Variants in WIZ observed in about 807,000 individuals in gnomAD.
WIZ encodes the protein WIZ zinc finger.
In WIZ, 25 loss-of-function variants were observed where a neutral mutation model predicts 140.2. The observed-to-expected ratio is 0.18, with a 90% CI of 0.13 to 0.25. The LOEUF (loss-of-function observed/expected upper bound fraction) is 0.25. Ranked by LOEUF, WIZ falls within the 10% of genes least tolerant of loss-of-function variation. WIZ has a pLI of 1.00. For synonymous variants in WIZ, 1,125 were observed against 1,154.3 expected, an observed-to-expected ratio of 0.97 and a Z score of 0.51; for missense variants, 2,231 against 2,632.6, an observed-to-expected ratio of 0.85 and a Z score of 3.34.
rs1356636124 is a variant in WIZ, at chr19:15,429,705, G to A, written c.3296C>T (p.Ala1099Val). 4 of 1,445,676 alleles carry A rather than the reference G, an allele frequency of 2.8e-6. No individual in the cohort carries two copies. The highest frequency in any genetic ancestry group is 2.9e-5 in the South Asian group (2 of 69,954). 89.6% of individuals were successfully genotyped at this position (1,445,676 alleles called of 1,614,324 possible). A position where few individuals can be genotyped will look rare whatever the true frequency, so the allele number is the denominator to read the frequency against. ...PLLKKTPLAL[A>V]GSPTPKNPED... ...AGGATTCTTAGGGGTAGGGGAGCCC[G>A]CCAGGGCCAGTGGTGTCTTTTTGAG... The change falls in exon 7 of 13, where the codon GCG becomes GTG. Residue 1099 changes from alanine (A) to valine (V), a missense_variant. By Grantham distance (64) the Ala-to-Val change is moderately conservative. Transcript: ENST00000673675.
intron 5 of WIZ, among the ~76,000 whole-genome samples, chr19:15,431,559 CACA>C (rs773825456): frequency 6.6e-6 from 1 of 152,154 alleles, no homozygotes; most frequent in Non-Finnish European, 1.5e-5. Flanking sequence ...GGGAATTCAA[CACA>C]ACACCAGGGT....
chr19:15,425,188 G>A, intron 10 of WIZ, 53 bp downstream of exon 10: 2 of 1,548,888 alleles, frequency 1.3e-6, no homozygotes, highest in Non-Finnish European at 1.7e-6. Flanking sequence ...GCATTGCCTG[G>A]CCTGGCAGGC....
At chr19:15,435,966 T>C (rs1049827063) in intron 5 of WIZ, among the ~76,000 whole-genome samples, 5 of 151,928 alleles carry the variant, frequency 3.3e-5, no homozygotes, top group Admixed American at 1.3e-4. Flanking sequence ...CTACTAAAAA[T>C]ACAAAAGTTA....
chr19:15,423,795 T>C (rs747000464), intron 12 of WIZ, among the ~76,000 whole-genome samples: 29 of 152,232 alleles, frequency 1.9e-4, no homozygotes, highest in African/African-American at 6.8e-4. Context: ...TACTTTTTTC[T>C]TGAGCCAGAC....
rs1002861148 is a variant in WIZ at position 15,442,142 on chromosome 19, A to G, written c.278+534T>C. On this transcript the variant is annotated intron_variant, in intron 3 of 12. Coordinates refer to ENST00000673675, the MANE Select transcript of WIZ (RefSeq NM_001371589.1). This position sits in a 1 kb window ranked among gnomAD's most constrained non-coding sequence, Gnocchi z 5.5. The stretch of plus-strand genomic sequence containing the variant: ...GTGGAGGTTGCAGTGAGCCAAGATC[A>G]CGCCACTGCACTCCAGCCTGGGCGA... 1.3e-5 allele frequency among the ~76,000 whole-genome samples: 2 copies of G among 151,452 alleles called. No individual in the cohort carries two copies. The highest frequency in any genetic ancestry group is 6.6e-5 in the Admixed American group (1 of 15,184).
At chr19:15,445,274 A>C (rs1969878219) in intron 2 of WIZ, among the ~76,000 whole-genome samples, 1 of 152,192 alleles carries the variant, frequency 6.6e-6, no homozygotes, top group Non-Finnish European at 1.5e-5. Flanking sequence ...AAGAACCTAG[A>C]TTCTGGAGCC....
Position 15,439,506 on chromosome 19 carries a change from G to A in WIZ, c.1488C>T (p.Gly496=), listed in dbSNP as rs1164280012. The A allele has an allele frequency of 2.3e-5, 36 of 1,534,410 alleles. No homozygotes were observed. The highest frequency in any genetic ancestry group is 3.1e-5 in the Non-Finnish European group (36 of 1,145,994). Residue 496 remains glycine, a synonymous_variant, in exon 4 of 13, where the codon GGC becomes GGT. Transcript: ENST00000673675. The surrounding 1 kb of genome is among the most constrained non-coding windows in gnomAD (Gnocchi z 7.0). ...VHAHPHWEED[G]EAYEEDPASQ... is the part of the protein sequence containing the mutation. ...TGGCAGGGTCTTCCTCATAAGCCTC[G>A]CCATCCTCCTCCCAGTGGGGATGGG... is the stretch of plus-strand genomic sequence containing the variant.
At chr19:15,425,122 C>G in intron 10 of WIZ, 90 bp from the exon 11 acceptor site, 3 of 1,513,752 alleles carry the variant, frequency 2.0e-6, no homozygotes, top group Non-Finnish European at 2.6e-6. Flanking sequence ...CCAATCCCGC[C>G]TCCCACACAG....
At chr19:15,437,624 C>A (rs570222752) in intron 4 of WIZ, among the ~76,000 whole-genome samples, 7 of 152,334 alleles carry the variant, frequency 4.6e-5, no homozygotes, top group African/African-American at 4.8e-5. Flanking sequence ...CCATGGCACT[C>A]CAGCCTGGGC....
In WIZ at chr19:15,448,150, G is replaced by A; in HGVS notation, c.158C>T (p.Thr53Ile). Reference sequence around the variant, plus strand: ...CAGAATGTCTCGGGGGCCCTCCTTGGTGACAGGCAGGTAACGGGTGGACCG... The same window carrying A: ...CAGAATGTCTCGGGGGCCCTCCTTGATGACAGGCAGGTAACGGGTGGACCG... The part of the protein sequence containing the change: ...IFRSTRYLPV[T>I]KEGPRDILDG... The change falls in exon 2 of 13, where the codon ACC (threonine) becomes ATC (isoleucine). Residue 53 changes from threonine (T) to isoleucine (I), a missense_variant. This residue lies in a region of WIZ where 85 missense variants were observed against 90.9 expected (regional missense o/e 0.94). Coordinates refer to ENST00000673675, the MANE Select transcript of WIZ (RefSeq NM_001371589.1). The A allele has an allele frequency of 6.2e-7, 1 of 1,612,800 alleles. No homozygotes were observed. Among genetic ancestry groups the A allele is most frequent in the Non-Finnish European group, 8.5e-7 (1 of 1,179,246 alleles).
Position 15,422,154 on chromosome 19 carries a change from T to C in WIZ, c.*922A>G, listed in dbSNP as rs987004192. On this transcript the variant is annotated 3_prime_UTR_variant, in exon 13 of 13. Coordinates refer to ENST00000673675, the MANE Select transcript of WIZ (RefSeq NM_001371589.1). The stretch of plus-strand genomic sequence containing the variant: ...CTTCTAGGTACATCGATAACCAAAA[T>C]GTGGCCACTGAAAAAAGTTAAAAGG... 3 of 152,186 alleles carry C rather than the reference T, an allele frequency of 2.0e-5. No individual in the cohort carries two copies. Among genetic ancestry groups the C allele is most frequent in the African/African-American group, 7.2e-5 (3 of 41,428 alleles). The allele number at this position is 152,186 out of a possible 1,614,324, so 9.4% of individuals were successfully genotyped here.
chr19:15,435,013 G>C (rs1379895063), intron 5 of WIZ, among the ~76,000 whole-genome samples: 1 of 152,100 alleles, frequency 6.6e-6, no homozygotes, highest in African/African-American at 2.4e-5. Flanking sequence ...CGGATCACGA[G>C]GTCAGGAGAT....
intron 3 of WIZ, among the ~76,000 whole-genome samples, chr19:15,441,842 A>G (rs1356616463): frequency 2.0e-5 from 3 of 152,150 alleles, no homozygotes; most frequent in Non-Finnish European, 2.9e-5. Context: ...ATTATTAATT[A>G]ATTAATAATA....
In WIZ at chr19:15,442,002, T is replaced by C. The variant is rs1969763173; in HGVS notation, c.278+674A>G. The stretch of plus-strand genomic sequence containing the variant: ...AGGAGTTCTCGACCAGCCTGACCAA[T>C]ATGGTGAAACCCCATCTCTACTAAA... On this transcript the variant is annotated intron_variant, in intron 3 of 12. Coordinates refer to ENST00000673675, the MANE Select transcript of WIZ (RefSeq NM_001371589.1). This position sits in a 1 kb window ranked among gnomAD's most constrained non-coding sequence, Gnocchi z 5.5. 6.6e-6 allele frequency among the ~76,000 whole-genome samples: 1 copy of C among 151,850 alleles called. No individual in the cohort carries two copies. Among genetic ancestry groups the C allele is most frequent in the African/African-American group, 2.4e-5 (1 of 41,316 alleles).
chr19:15,429,309 C>T (rs1435357613), intron 7 of WIZ, among the ~76,000 whole-genome samples: 1 of 152,216 alleles, frequency 6.6e-6, no homozygotes, highest in African/African-American at 2.4e-5. Context: ...AGCTGCCCCT[C>T]AGTGGCGAGC....
In WIZ at chr19:15,425,472, C is replaced by A. The variant is rs757257564; in HGVS notation, c.4663G>T (p.Ala1555Ser). 96 of 1,599,912 alleles carry A rather than the reference C, an allele frequency of 6.0e-5. No individual in the cohort carries two copies. Among genetic ancestry groups the A allele is most frequent in the Non-Finnish European group, 7.9e-5 (93 of 1,173,350 alleles). Residue 1555 changes from alanine (A) to serine (S), a missense_variant, in exon 10 of 13, where the codon GCT becomes TCT. Coordinates refer to ENST00000673675, the MANE Select transcript of WIZ (RefSeq NM_001371589.1). Reference protein sequence around the residue: ...VQSPLPLSPLAGRPGKPGAGP... With the variant: ...VQSPLPLSPLSGRPGKPGAGP... ...GCACCTGGTTTGCCTGGCCGGCCAGCCAGGGGCGACAGCGGCAGTGGGGAC... is the reference window on the plus strand; with the variant it reads ...GCACCTGGTTTGCCTGGCCGGCCAGACAGGGGCGACAGCGGCAGTGGGGAC...
intron 7 of WIZ, 110 bp downstream of exon 7, chr19:15,429,476 T>TC: frequency 4.6e-4 from 490 of 1,070,832 alleles, no homozygotes; most frequent in Middle Eastern, 6.8e-4. Flanking sequence ...GGAGCTGTAG[T>TC]CCCCACCGCC....
Position 15,424,237 on chromosome 19 carries a change from G to A in WIZ, c.5456C>T (p.Pro1819Leu), listed in dbSNP as rs763206583. Residue 1819 changes from proline (P) to leucine (L), a missense_variant, in exon 12 of 13, where the codon CCC (proline) becomes CTC (leucine). Transcript: ENST00000673675. The surrounding 1 kb of genome is among the most constrained non-coding windows in gnomAD (Gnocchi z 9.7). ...VRPVPSLVPRPPQTSLVKFVG... is the reference protein window; with the variant it reads ...VRPVPSLVPRLPQTSLVKFVG... ...GAACTTGACAAGTGATGTCTGGGGGGGCCGGGGCACCAGGGAGGGGACTGG... is the reference window on the plus strand; with the variant it reads ...GAACTTGACAAGTGATGTCTGGGGGAGCCGGGGCACCAGGGAGGGGACTGG... 14 of 1,583,966 alleles carry A rather than the reference G, an allele frequency of 8.8e-6. No individual in the cohort carries two copies. Among genetic ancestry groups the A allele is most frequent in the Non-Finnish European group, 1.1e-5 (13 of 1,167,908 alleles).
rs1339415835 is a variant in WIZ, at chr19:15,442,247, A to T, written c.278+429T>A. 6.6e-6 allele frequency among the ~76,000 whole-genome samples: 1 copy of T among 151,670 alleles called. No homozygotes were observed. Reference sequence around the variant, plus strand: ...CCTGCCAAGCCATTTAATAAAGAGTAGGGACCATCAGCATTGCTCTTGATT... The same window carrying T: ...CCTGCCAAGCCATTTAATAAAGAGTTGGGACCATCAGCATTGCTCTTGATT... On this transcript the variant is annotated intron_variant, in intron 3 of 12. Transcript: ENST00000673675. This position sits in a 1 kb window ranked among gnomAD's most constrained non-coding sequence, Gnocchi z 5.5.
Sources: gnomAD v4.1 joint callset for allele counts (sites outside exome capture counted in the v4.1 genomes callset) on GRCh38, gnomAD v4.1.1 for gene constraint, gnomAD v4.1.1 regional missense constraint, Gnocchi (gnomAD v3.1) non-coding constraint, MANE v1.5 for transcripts, NCBI Gene and HGNC (gene_info 2026-07-23, HGNC 2026-07-21) for gene names.